The following WWOX variants were observed in gnomAD, a reference collection of about 807,000 sequenced individuals.
The protein encoded by WWOX is WW domain containing oxidoreductase.
WWOX carries 69 observed loss-of-function variants against 46.2 expected under a neutral mutation model. That is an observed-to-expected ratio of 1.49 (90% CI 1.23 to 1.82). WWOX has a LOEUF of 1.82. WWOX is among the 40% of genes most tolerant of loss of function. The pLI is 0.00. For missense variants in WWOX, 919 were observed against 542.6 expected (o/e 1.69, Z -6.89); for synonymous variants, 359 against 202.6 (o/e 1.77, Z -6.56).
At chr16:78,127,908 G>T (rs1260396599) in intron 4 of WWOX, among the ~76,000 whole-genome samples, 1 of 152,154 alleles carries the variant, frequency 6.6e-6, no homozygotes, top group Admixed American at 6.5e-5. Context: ...GTGACTTAAG[G>T]CAAGTCACTT....
intron 8 of WWOX, among the ~76,000 whole-genome samples, chr16:79,036,295 A>G (rs958304020): frequency 6.6e-6 from 1 of 152,192 alleles, no homozygotes; most frequent in Non-Finnish European, 1.5e-5. Context: ...TGCCCATCAG[A>G]TGGCACCTCT....
Position 79,041,412 on chromosome 16 carries a change from G to A in WWOX, c.1057-170196G>A, listed in dbSNP as rs370752170. 1.6e-3 allele frequency among the ~76,000 whole-genome samples: 250 copies of A among 152,248 alleles called. 3 individuals carry two copies. The South Asian group carries it at 0.045, about 27-fold the overall frequency. ...AAGGATTCCACCCACCACGCCCCTT[G>A]CGGTTCCTTGCCGGTGTCCTGTCCT... On this transcript the variant is annotated intron_variant, in intron 8 of 8. Coordinates refer to ENST00000566780, the MANE Select transcript of WWOX (RefSeq NM_016373.4).
chr16:78,972,994 C>A (rs1292732200), intron 8 of WWOX, among the ~76,000 whole-genome samples: 2 of 152,170 alleles, frequency 1.3e-5, no homozygotes, highest in African/African-American at 4.8e-5. Flanking sequence ...AGATCCCTTC[C>A]TCCGATCGCA....
intron 8 of WWOX, among the ~76,000 whole-genome samples, chr16:79,069,963 A>C (rs538144391): frequency 1.2e-4 from 18 of 152,224 alleles, no homozygotes; most frequent in Non-Finnish European, 2.2e-4. Flanking sequence ...AGGATGTTCA[A>C]GGCAACCAAT....
At chr16:78,656,252 G>T (rs1293929937) in intron 8 of WWOX, among the ~76,000 whole-genome samples, 2 of 152,126 alleles carry the variant, frequency 1.3e-5, no homozygotes, top group South Asian at 2.1e-4. Context: ...TTCGGTGGTA[G>T]ATCAATGCTA....
chr16:78,742,008 C>T (rs372522228), intron 8 of WWOX, among the ~76,000 whole-genome samples: 22 of 152,288 alleles, frequency 1.4e-4, no homozygotes, highest in African/African-American at 4.8e-4. Flanking sequence ...ATCCTCTCTT[C>T]CCACCCCCTA....
chr16:79,191,045 GTTGT>G lies in WWOX; in HGVS notation c.1057-20552_1057-20549del, dbSNP rs200524988. On this transcript the variant is annotated intron_variant, in intron 8 of 8. Coordinates refer to ENST00000566780, the MANE Select transcript of WWOX (RefSeq NM_016373.4). ...GAGCAAAGCATGACTTCTTTTTTTT[GTTGT>G]TTGTTTGTTTTTAAGAGACGGGGTC... Among the ~76,000 whole-genome samples, 523 of 151,934 alleles carry G rather than the reference GTTGT, an allele frequency of 3.4e-3. 5 individuals are homozygous for G. Among genetic ancestry groups the G allele is most frequent in the Admixed American group, 0.025 (381 of 15,280 alleles).
chr16:78,321,321 T>A (rs2080467506), intron 5 of WWOX, among the ~76,000 whole-genome samples: 1 of 74,540 alleles, frequency 1.3e-5, no homozygotes, highest in Non-Finnish European at 2.4e-5. Context: ...TATGCGTATA[T>A]ATATACGTAT....
chr16:78,194,318 T>A (rs910076189), intron 5 of WWOX, among the ~76,000 whole-genome samples: 12 of 152,062 alleles, frequency 7.9e-5, no homozygotes, highest in Admixed American at 5.9e-4. Flanking sequence ...CCGGGCGTGG[T>A]GTCTCACACC....
intron 8 of WWOX, among the ~76,000 whole-genome samples, chr16:78,472,809 CAAA>C (rs756666392): frequency 0.066 from 3,329 of 50,606 alleles, 84 homozygotes; most frequent in African/African-American, 0.095. Context: ...AACTCCATCT[CAAA>C]AAAAAAAAAA....
chr16:78,126,771 C>G (rs1334242829), intron 4 of WWOX, among the ~76,000 whole-genome samples: 1 of 152,126 alleles, frequency 6.6e-6, no homozygotes, highest in Non-Finnish European at 1.5e-5. Flanking sequence ...CTTTGGTACC[C>G]GCATTTAAGG....
At chr16:79,082,941 T>C (rs953625829) in intron 8 of WWOX, among the ~76,000 whole-genome samples, 4 of 152,150 alleles carry the variant, frequency 2.6e-5, no homozygotes, top group African/African-American at 9.7e-5. Context: ...TACTAGAAGA[T>C]AACCCTAAAA....
intron 5 of WWOX, among the ~76,000 whole-genome samples, chr16:78,183,487 G>A (rs1279999772): frequency 3.3e-5 from 5 of 152,302 alleles, no homozygotes; most frequent in East Asian, 3.9e-4. Flanking sequence ...TCCTGGCTGC[G>A]CCGTTCTGTA....
At chr16:79,177,111 C>G (rs1438331268) in intron 8 of WWOX, among the ~76,000 whole-genome samples, 3 of 152,196 alleles carry the variant, frequency 2.0e-5, no homozygotes, top group Non-Finnish European at 1.5e-5. Context: ...ACACTCAGTG[C>G]ACAAGTCCTT....
At chr16:78,170,338 C>T (rs1334320182) in intron 5 of WWOX, among the ~76,000 whole-genome samples, 8 of 152,194 alleles carry the variant, frequency 5.3e-5, no homozygotes, top group Non-Finnish European at 1.0e-4. Context: ...TTCAGAGATA[C>T]AGGTGGTTCT....
At chr16:78,460,159 G>A (rs565866485) in intron 8 of WWOX, among the ~76,000 whole-genome samples, 7 of 146,170 alleles carry the variant, frequency 4.8e-5, no homozygotes, top group South Asian at 2.2e-4. Flanking sequence ...AAAGAGTCTC[G>A]CTCTTTTCCC....
chr16:79,009,102 C>T (rs540076975), intron 8 of WWOX, among the ~76,000 whole-genome samples: 6 of 152,178 alleles, frequency 3.9e-5, no homozygotes, highest in Non-Finnish European at 7.3e-5. Context: ...CAGAGGTGTC[C>T]GCAGGCCTCC....
chr16:78,688,856 C>T (rs2047922208), intron 8 of WWOX, among the ~76,000 whole-genome samples: 1 of 152,138 alleles, frequency 6.6e-6, no homozygotes, highest in Non-Finnish European at 1.5e-5. Flanking sequence ...CAGTTACCCC[C>T]ATGATGTTTT....
At chr16:79,210,797 C>T (rs1019982443) in intron 8 of WWOX, among the ~76,000 whole-genome samples, 4 of 152,060 alleles carry the variant, frequency 2.6e-5, no homozygotes, top group Non-Finnish European at 5.9e-5. Flanking sequence ...GATATGATGC[C>T]TCATCACTGC....
Sources: gnomAD v4.1 joint callset for allele counts (sites outside exome capture counted in the v4.1 genomes callset) on GRCh38, gnomAD v4.1.1 for gene constraint, MANE v1.5 for transcripts, NCBI Gene and HGNC (gene_info 2026-07-23, HGNC 2026-07-21) for gene names.